The following PARD3B variants were observed in gnomAD, a reference collection of about 807,000 sequenced individuals.
PARD3B encodes the protein par-3 family cell polarity regulator beta, also known as partitioning defective 3 homolog B.
PARD3B carries 103 observed loss-of-function variants against 130.2 expected under a neutral mutation model. That is an observed-to-expected ratio of 0.79 (90% CI 0.67 to 0.93). PARD3B has a LOEUF of 0.93. Among genes scored for constraint, PARD3B ranks in the 40% least tolerant of loss-of-function variants. The pLI is 0.00. For synonymous variants in PARD3B, 583 were observed against 553.2 expected (o/e 1.05, Z -0.76); for missense variants, 1,609 against 1,499.2 (o/e 1.07, Z -1.21).
At chr2:204,550,699 T>C (rs1459691239) in intron 1 of PARD3B, among the ~76,000 whole-genome samples, 2 of 152,204 alleles carry the variant, frequency 1.3e-5, no homozygotes. Flanking sequence ...TTGAATAATA[T>C]GTTTGTTTTA....
chr2:204,949,779 T>G (rs966528242), intron 2 of PARD3B, among the ~76,000 whole-genome samples: 1 of 152,224 alleles, frequency 6.6e-6, no homozygotes, highest in Non-Finnish European at 1.5e-5. Context: ...TTATTTAAAT[T>G]TTATAAATTA....
chr2:205,612,719 A>G (rs2055279142), intron 22 of PARD3B, among the ~76,000 whole-genome samples: 2 of 152,206 alleles, frequency 1.3e-5, no homozygotes. Context: ...AATTTCCATG[A>G]CTTCATTTCT....
At chr2:204,817,969 G>T (rs921949861) in intron 2 of PARD3B, among the ~76,000 whole-genome samples, 18 of 151,974 alleles carry the variant, frequency 1.2e-4, no homozygotes, top group Admixed American at 6.6e-5. Context: ...CTTCCTCTAG[G>T]CCAGAAGGAA....
At chr2:204,784,356 C>G (rs1012449265) in intron 2 of PARD3B, among the ~76,000 whole-genome samples, 3 of 151,820 alleles carry the variant, frequency 2.0e-5, no homozygotes, top group Non-Finnish European at 2.9e-5. Context: ...TTTGAAGATG[C>G]GAGGGCTATA....
chr2:204,991,738 G>A (rs1160969484), intron 3 of PARD3B, among the ~76,000 whole-genome samples: 1 of 151,858 alleles, frequency 6.6e-6, no homozygotes, highest in Non-Finnish European at 1.5e-5. Context: ...TCCAGCACCT[G>A]TGGTTTCCTG....
chr2:205,282,343 A>G (rs576328290), intron 16 of PARD3B, among the ~76,000 whole-genome samples: 235 of 151,994 alleles, frequency 1.5e-3, no homozygotes, highest in Non-Finnish European at 2.5e-3. Flanking sequence ...TCCTTATACT[A>G]CCTATTGCCA....
intron 2 of PARD3B, among the ~76,000 whole-genome samples, chr2:204,827,373 T>C (rs2043624818): frequency 6.6e-6 from 1 of 152,216 alleles, no homozygotes; most frequent in African/African-American, 2.4e-5. Flanking sequence ...GATTTGTTCA[T>C]GTATTACATG....
chr2:205,401,090 A>T lies in PARD3B; in HGVS notation c.2708A>T (p.Glu903Val), dbSNP rs2046236334. The part of the protein sequence containing the change: ...GTLKHGGLRE[E>V]ELEKMKEERE... ...CTGAAACATGGTGGCCTGAGAGAAGAAGAGCTGGAGAAAATGAAAGAAGAG... is the reference window on the plus strand; with the variant it reads ...CTGAAACATGGTGGCCTGAGAGAAGTAGAGCTGGAGAAAATGAAAGAAGAG... Residue 903 changes from glutamate to valine, a missense_variant, in exon 19 of 23, where the codon GAA (glutamate) becomes GTA (valine). Transcript: ENST00000406610. The T allele has an allele frequency of 6.2e-7, 1 of 1,600,864 alleles. No homozygotes were observed. Among genetic ancestry groups the T allele is most frequent in the Non-Finnish European group, 8.5e-7 (1 of 1,173,678 alleles).
chr2:205,451,779 G>A (rs757587091), intron 20 of PARD3B, among the ~76,000 whole-genome samples: 4 of 151,218 alleles, frequency 2.6e-5, no homozygotes, highest in Non-Finnish European at 4.4e-5. Flanking sequence ...ATGGAAAATG[G>A]GATCTCCATC....
chr2:204,679,660 A>C (rs1389972430), intron 1 of PARD3B, among the ~76,000 whole-genome samples: 1 of 150,818 alleles, frequency 6.6e-6, no homozygotes, highest in African/African-American at 2.5e-5. Context: ...TGTAAATGTT[A>C]CAATTTTTTT....
chr2:205,486,603 G>C (rs2049452207), intron 20 of PARD3B, among the ~76,000 whole-genome samples: 1 of 152,176 alleles, frequency 6.6e-6, no homozygotes, highest in Non-Finnish European at 1.5e-5. Flanking sequence ...GAAGGCAAAG[G>C]GGAAGCAGGC....
At chr2:205,084,252 A>T (rs188997616) in intron 4 of PARD3B, among the ~76,000 whole-genome samples, 4 of 152,242 alleles carry the variant, frequency 2.6e-5, no homozygotes, top group Admixed American at 6.5e-5. Context: ...AGATTTTTAT[A>T]TATAGAAAAC....
At chr2:204,588,209 T>C (rs2032919649) in intron 1 of PARD3B, among the ~76,000 whole-genome samples, 1 of 152,218 alleles carries the variant, frequency 6.6e-6, no homozygotes, top group Non-Finnish European at 1.5e-5. Flanking sequence ...ACTTGCATTC[T>C]CTTGGTCATG....
chr2:205,193,701 T>C (rs2036519738), intron 15 of PARD3B, among the ~76,000 whole-genome samples: 1 of 152,194 alleles, frequency 6.6e-6, no homozygotes, highest in African/African-American at 2.4e-5. Context: ...TTGCAGAGCC[T>C]GGGAAAATCA....
intron 18 of PARD3B, among the ~76,000 whole-genome samples, chr2:205,330,340 C>CAA (rs369220742): frequency 2.0e-5 from 3 of 149,390 alleles, no homozygotes; most frequent in African/African-American, 7.4e-5. Flanking sequence ...GACTCCACCC[C>CAA]AAAAAAAAAA....
chr2:205,065,045 G>T (rs1280229935), intron 4 of PARD3B, among the ~76,000 whole-genome samples: 2 of 152,174 alleles, frequency 1.3e-5, no homozygotes, highest in African/African-American at 2.4e-5. Context: ...TTTAGCTATT[G>T]CAGTCTCCAG....
chr2:205,108,080 C>G (rs1283921747), intron 5 of PARD3B, among the ~76,000 whole-genome samples: 2 of 152,168 alleles, frequency 1.3e-5, no homozygotes, highest in African/African-American at 2.4e-5. Flanking sequence ...ATTCATTGAT[C>G]AAACTGTTTG....
At chr2:204,576,582 G>C (rs2032272159) in intron 1 of PARD3B, among the ~76,000 whole-genome samples, 1 of 152,008 alleles carries the variant, frequency 6.6e-6, no homozygotes, top group African/African-American at 2.4e-5. Flanking sequence ...CAATAGGCCG[G>C]TGGTTCTCAA....
intron 3 of PARD3B, among the ~76,000 whole-genome samples, chr2:205,045,350 GTGATTC>G (rs1559383864): frequency 1.3e-5 from 2 of 151,754 alleles, no homozygotes; most frequent in African/African-American, 4.8e-5. Context: ...CCGGGTTCAA[GTGATTC>G]TCCTGCTTCA....
Sources: allele counts gnomAD v4.1 joint callset (sites outside exome capture counted in the v4.1 genomes callset), GRCh38; gene constraint gnomAD v4.1.1; transcripts MANE v1.5; gene names NCBI Gene and HGNC (gene_info 2026-07-23, HGNC 2026-07-21).